The following CSMD1 variants were observed in gnomAD, a reference collection of about 807,000 sequenced individuals.
The protein encoded by CSMD1 is CUB and Sushi multiple domains 1.
A neutral mutation model predicts 417.5 loss-of-function variants in CSMD1; 213 were observed. The observed-to-expected ratio is 0.51, with a 90% CI of 0.46 to 0.57. The LOEUF (loss-of-function observed/expected upper bound fraction) is 0.57. Among genes scored for constraint, CSMD1 ranks in the 20% least tolerant of loss-of-function variants. The probability of loss-of-function intolerance (pLI) is 0.00; values close to 1 mark genes in which losing one functional copy is unlikely to be tolerated. For missense variants in CSMD1, 6,923 were observed against 4,529.7 expected (o/e 1.53, Z -15.17); for synonymous variants, 2,862 against 1,736.8 (o/e 1.65, Z -16.11).
chr8:3,979,372 C>G (rs1197389109), intron 5 of CSMD1, among the ~76,000 whole-genome samples: 2 of 152,164 alleles, frequency 1.3e-5, no homozygotes, highest in Non-Finnish European at 2.9e-5. Flanking sequence ...TGACTAAGGA[C>G]AGCTGGAGGA....
chr8:4,375,790 C>A (rs902837335), intron 3 of CSMD1, among the ~76,000 whole-genome samples: 1 of 152,180 alleles, frequency 6.6e-6, no homozygotes, highest in Non-Finnish European at 1.5e-5. Flanking sequence ...CCTCTTCAAA[C>A]CATCCTCATA....
At chr8:3,546,131 G>C (rs1798650591) in intron 10 of CSMD1, among the ~76,000 whole-genome samples, 1 of 152,146 alleles carries the variant, frequency 6.6e-6, no homozygotes, top group Admixed American at 6.5e-5. Flanking sequence ...CTGTGCATAG[G>C]TGTCTCAACT....
At chr8:4,876,550 T>C (rs1803053441) in intron 1 of CSMD1, among the ~76,000 whole-genome samples, 1 of 152,138 alleles carries the variant, frequency 6.6e-6, no homozygotes, top group Non-Finnish European at 1.5e-5. Flanking sequence ...TTCAATGCTT[T>C]CTCAATTTTC....
chr8:4,306,456 A>C (rs1366566783), intron 3 of CSMD1, among the ~76,000 whole-genome samples: 1 of 152,172 alleles, frequency 6.6e-6, no homozygotes, highest in African/African-American at 2.4e-5. Flanking sequence ...ATATTTTATC[A>C]CCTCCATATT....
At chr8:3,831,365 C>T (rs1351017811) in intron 5 of CSMD1, among the ~76,000 whole-genome samples, 4 of 152,152 alleles carry the variant, frequency 2.6e-5, no homozygotes, top group Admixed American at 2.0e-4. Flanking sequence ...CACTTGCAAA[C>T]TCGTCTTTCC....
intron 11 of CSMD1, among the ~76,000 whole-genome samples, chr8:3,488,977 C>T (rs757105095): frequency 2.6e-5 from 4 of 152,112 alleles, no homozygotes; most frequent in Non-Finnish European, 5.9e-5. Flanking sequence ...TTATTACCAA[C>T]ATCAATTGTT....
At chr8:4,204,956 G>A (rs1057346656) in intron 3 of CSMD1, among the ~76,000 whole-genome samples, 2 of 151,998 alleles carry the variant, frequency 1.3e-5, no homozygotes, top group African/African-American at 4.8e-5. Context: ...CACTGAATCT[G>A]GCCTATAAAA....
intron 15 of CSMD1, among the ~76,000 whole-genome samples, chr8:3,405,063 A>G (rs1288947439): frequency 1.3e-5 from 2 of 152,204 alleles, no homozygotes; most frequent in South Asian, 2.1e-4. Context: ...CTACAATACC[A>G]TGATTTTATA....
chr8:3,376,432 A>G (rs1810306576), intron 18 of CSMD1, among the ~76,000 whole-genome samples: 1 of 152,034 alleles, frequency 6.6e-6, no homozygotes, highest in Non-Finnish European at 1.5e-5. Flanking sequence ...ATTTTTCTAC[A>G]GAACATATAT....
chr8:3,883,946 A>G (rs1246572067), intron 5 of CSMD1, among the ~76,000 whole-genome samples: 1 of 151,930 alleles, frequency 6.6e-6, no homozygotes, highest in South Asian at 2.1e-4. Context: ...ACGCTTTTAA[A>G]CATACATAGA....
At chr8:4,205,331 A>C (rs1267889719) in intron 3 of CSMD1, among the ~76,000 whole-genome samples, 2 of 152,244 alleles carry the variant, frequency 1.3e-5, no homozygotes, top group African/African-American at 4.8e-5. Flanking sequence ...ATTCTAAAAT[A>C]AGTATTTAAT....
chr8:3,784,053 G>T (rs573793789), intron 5 of CSMD1, among the ~76,000 whole-genome samples: 2 of 152,196 alleles, frequency 1.3e-5, no homozygotes, highest in African/African-American at 4.8e-5. Context: ...CTGTTGTGAA[G>T]ATTGAAATAG....
intron 8 of CSMD1, among the ~76,000 whole-genome samples, chr8:3,586,651 CA>C (rs1800614226): frequency 1.3e-5 from 2 of 151,982 alleles, no homozygotes; most frequent in African/African-American, 4.8e-5. Context: ...AAATATTTTA[CA>C]AAAACAAGAA....
chr8:4,119,200 A>G (rs1802337593), intron 3 of CSMD1, among the ~76,000 whole-genome samples: 1 of 152,158 alleles, frequency 6.6e-6, no homozygotes, highest in African/African-American at 2.4e-5. Context: ...TGGCACACAT[A>G]TACCTATGTA....
chr8:4,343,760 G>T (rs1194354135), intron 3 of CSMD1, among the ~76,000 whole-genome samples: 1 of 151,952 alleles, frequency 6.6e-6, no homozygotes, highest in Non-Finnish European at 1.5e-5. Context: ...GTGCACTGGG[G>T]CTCATCTTTC....
At chr8:4,372,070 G>C (rs1199236420) in intron 3 of CSMD1, among the ~76,000 whole-genome samples, 2 of 152,220 alleles carry the variant, frequency 1.3e-5, no homozygotes, top group Non-Finnish European at 2.9e-5. Context: ...GCAGTAGGTG[G>C]CTGAGGTGGA....
intron 2 of CSMD1, among the ~76,000 whole-genome samples, chr8:4,615,349 A>G (rs960483255): frequency 5.3e-5 from 8 of 152,194 alleles, no homozygotes; most frequent in Non-Finnish European, 1.0e-4. Flanking sequence ...CACCCATAAT[A>G]TACAGCAATG....
At chr8:3,898,890 T>G (rs948716570) in intron 5 of CSMD1, among the ~76,000 whole-genome samples, 25 of 152,316 alleles carry the variant, frequency 1.6e-4, no homozygotes, top group African/African-American at 6.0e-4. Context: ...CCTTAGGGGT[T>G]ACAGTCATTT....
intron 49 of CSMD1, among the ~76,000 whole-genome samples, chr8:3,053,371 T>C (rs1167540524): frequency 2.0e-5 from 3 of 152,164 alleles, no homozygotes; most frequent in Admixed American, 2.0e-4. Context: ...TATTGCAGTG[T>C]AGACTCTTTG....
Sources: allele counts gnomAD v4.1 joint callset (sites outside exome capture counted in the v4.1 genomes callset), GRCh38; gene constraint gnomAD v4.1.1; transcripts MANE v1.5; gene names NCBI Gene and HGNC (gene_info 2026-07-23, HGNC 2026-07-21).